Variants in MTMR8 observed in about 807,000 individuals in gnomAD.
MTMR8 encodes phosphatidylinositol-3,5-bisphosphate 3-phosphatase MTMR8.
MTMR8 carries 65 observed loss-of-function variants against 39.3 expected under a neutral mutation model. The ratio of observed to expected loss-of-function variants is 1.65; its 90% CI spans 1.35 to 2.03. MTMR8 has a LOEUF of 2.03. Among genes scored for constraint, MTMR8 ranks in the 30% most tolerant of loss-of-function variants. The pLI is 0.00. For synonymous variants in MTMR8, 245 were observed against 185.2 expected, an observed-to-expected ratio of 1.32 and a Z score of -2.62; for missense variants, 777 against 538.9, an observed-to-expected ratio of 1.44 and a Z score of -4.37.
At chrX:64,361,245 G>A (rs1286527112) in intron 1 of MTMR8, among the ~76,000 whole-genome samples, 6 of 111,093 alleles carry the variant, frequency 5.4e-5, no homozygotes, top group African/African-American at 9.8e-5. Flanking sequence ...TGATGTTATA[G>A]GTTTATTCTA....
intron 1 of MTMR8, among the ~76,000 whole-genome samples, chrX:64,371,766 C>T (rs1359321949): frequency 9.1e-6 from 1 of 110,429 alleles, no homozygotes; most frequent in African/African-American, 3.3e-5. Context: ...CTAGAAATAC[C>T]TGTATGTCCA....
rs894152609 is a variant in MTMR8 at position 64,305,330 on chromosome X, A to G, written c.1481+23442T>C. Reference sequence around the variant, plus strand: ...CCAGTACTACTTGTACAACTTGTGCATCTTTTACAGTCAGCTTCTGAGTGC... The same window carrying G: ...CCAGTACTACTTGTACAACTTGTGCGTCTTTTACAGTCAGCTTCTGAGTGC... On this transcript the variant is annotated intron_variant, in intron 12 of 13. Coordinates refer to ENST00000374852, the MANE Select transcript of MTMR8 (RefSeq NM_017677.4). The G allele has an allele frequency of 1.5e-5, 3 of 203,302 alleles. No homozygotes were observed. The South Asian group carries it at 2.2e-4, about 15-fold the overall frequency. The allele number at this position is 203,302 out of a possible 1,213,427, so 16.8% of individuals were successfully genotyped here. A position where few individuals can be genotyped will look rare whatever the true frequency, so the allele number is the denominator to read the frequency against.
intron 1 of MTMR8, among the ~76,000 whole-genome samples, chrX:64,394,567 C>T (rs774471336): frequency 1.8e-5 from 2 of 111,694 alleles, no homozygotes; most frequent in South Asian, 7.6e-4. Context: ...TTCCCCAGCC[C>T]CAGACAGGAG....
intron 8 of MTMR8, among the ~76,000 whole-genome samples, chrX:64,342,387 G>A (rs1348352918): frequency 8.9e-6 from 1 of 112,028 alleles, no homozygotes; most frequent in Non-Finnish European, 1.9e-5. Context: ...TTGGGATATT[G>A]GATAGGTGGT....
chrX:64,271,386 A>G (rs1931756266), intron 12 of MTMR8, among the ~76,000 whole-genome samples: 1 of 111,917 alleles, frequency 8.9e-6, no homozygotes, highest in African/African-American at 3.2e-5. Context: ...AAGGGAGAGG[A>G]GTGACATCAG....
At chrX:64,287,827 A>G (rs1294970712) in intron 12 of MTMR8, among the ~76,000 whole-genome samples, 3 of 105,959 alleles carry the variant, frequency 2.8e-5, no homozygotes, top group Admixed American at 1.0e-4. Flanking sequence ...AAGATGGATT[A>G]AAGACTTACA....
intron 1 of MTMR8, among the ~76,000 whole-genome samples, chrX:64,382,328 A>G (rs1401571454): frequency 9.0e-6 from 1 of 111,187 alleles, no homozygotes; most frequent in Non-Finnish European, 1.9e-5. Flanking sequence ...CGTCCCTTGT[A>G]AGTTGGATTC....
chrX:64,362,368 G>T (rs1370727149), intron 1 of MTMR8, among the ~76,000 whole-genome samples: 2 of 101,945 alleles, frequency 2.0e-5, no homozygotes, highest in Non-Finnish European at 4.0e-5. Flanking sequence ...TCAAAAAAAA[G>T]TAAAGGGGAA....
intron 1 of MTMR8, among the ~76,000 whole-genome samples, chrX:64,364,468 C>A (rs1455980046): frequency 8.9e-6 from 1 of 112,000 alleles, no homozygotes; most frequent in Non-Finnish European, 1.9e-5. Context: ...CCCAGGCAAA[C>A]AGGGTCTGGA....
chrX:64,308,205 C>A (rs144645313), intron 12 of MTMR8, among the ~76,000 whole-genome samples: 3 of 109,120 alleles, frequency 2.7e-5, no homozygotes, highest in African/African-American at 6.7e-5. Context: ...AAACTTTTGA[C>A]GAAGCATAAT....
intron 8 of MTMR8, among the ~76,000 whole-genome samples, chrX:64,340,452 T>C (rs1264260370): frequency 9.0e-6 from 1 of 110,727 alleles, no homozygotes; most frequent in African/African-American, 3.3e-5. Flanking sequence ...GAGGATGGTA[T>C]AGCTAAATGA....
At chrX:64,347,891 G>T (rs1213198034) in intron 6 of MTMR8, among the ~76,000 whole-genome samples, 1 of 112,005 alleles carries the variant, frequency 8.9e-6, no homozygotes, top group Non-Finnish European at 1.9e-5. Context: ...AGGTTAACAT[G>T]AGGACACTCT....
At chrX:64,346,853 G>A (rs951446139) in intron 6 of MTMR8, among the ~76,000 whole-genome samples, 1 of 110,722 alleles carries the variant, frequency 9.0e-6, no homozygotes, top group African/African-American at 3.3e-5. Context: ...ATACAGACGC[G>A]ATTAAACTCT....
chrX:64,272,487 C>G (rs751298243), intron 12 of MTMR8, among the ~76,000 whole-genome samples: 2 of 109,499 alleles, frequency 1.8e-5, no homozygotes, highest in Non-Finnish European at 3.8e-5. Flanking sequence ...CAGAAGGACA[C>G]AAAGAAAAAA....
At chrX:64,299,422 G>C (rs1387951116) in intron 12 of MTMR8, among the ~76,000 whole-genome samples, 16 of 107,922 alleles carry the variant, frequency 1.5e-4, no homozygotes, top group Non-Finnish European at 1.9e-4. Flanking sequence ...GATTGGTGGT[G>C]ATATCCCCTT....
chrX:64,301,504 T>G (rs1282612721), intron 12 of MTMR8, among the ~76,000 whole-genome samples: 1 of 109,464 alleles, frequency 9.1e-6, no homozygotes, highest in Non-Finnish European at 1.9e-5. Flanking sequence ...GTTTTTAACT[T>G]CTTTGCCTTT....
In MTMR8 at chrX:64,353,593, A is replaced by G. The variant is rs376719310; in HGVS notation, c.468+1184T>C. Among the ~76,000 whole-genome samples the G allele has an allele frequency of 2.7e-5, 3 of 112,064 alleles. No homozygotes were observed. In the East Asian group the frequency reaches 8.5e-4, roughly 32 times the overall value. ...TTTTATCAAAAAGGCAATAATGGAT[A>G]CTGGTGAGGATATGGAGAAAATGAA... On this transcript the variant is annotated intron_variant, in intron 4 of 13. Transcript: ENST00000374852.
chrX:64,271,756 T>C (rs1931767231), intron 12 of MTMR8, among the ~76,000 whole-genome samples: 1 of 111,745 alleles, frequency 8.9e-6, no homozygotes, highest in African/African-American at 3.3e-5. Flanking sequence ...GTTGAAAGGG[T>C]CTGGCATGTG....
chrX:64,384,494 G>C (rs191622356), intron 1 of MTMR8, among the ~76,000 whole-genome samples: 3 of 112,086 alleles, frequency 2.7e-5, no homozygotes, highest in Admixed American at 9.4e-5. Flanking sequence ...CCTGTAGCAG[G>C]CTTCTGCCTG....
Sources: gnomAD v4.1 joint callset for allele counts (sites outside exome capture counted in the v4.1 genomes callset) on GRCh38, gnomAD v4.1.1 for gene constraint, MANE v1.5 for transcripts, NCBI Gene and HGNC (gene_info 2026-07-23, HGNC 2026-07-21) for gene names.